The following PRAMEF27 variants were observed in gnomAD, a reference collection of about 807,000 sequenced individuals.
PRAMEF27 encodes PRAME family member 27.
Under a neutral mutation model 21.0 loss-of-function variants are expected in PRAMEF27, and 5 were observed. The observed-to-expected ratio is 0.24, with a 90% CI of 0.12 to 0.50. The LOEUF is 0.50. Ranked by LOEUF, PRAMEF27 falls within the 20% of genes least tolerant of loss-of-function variation. The pLI, the probability that PRAMEF27 is intolerant of heterozygous loss-of-function variation, is 0.98. For missense variants in PRAMEF27, 138 were observed against 541.4 expected, an observed-to-expected ratio of 0.25 and a Z score of 7.39; for synonymous variants, 61 against 211.2, an observed-to-expected ratio of 0.29 and a Z score of 6.17.
intron 1 of PRAMEF27, chr1:13,055,590 T>C (rs1373854937): frequency 5.4e-5 from 8 of 149,402 alleles, no homozygotes; most frequent in African/African-American, 2.0e-4. Context: ...GAAGAGGATG[T>C]GATTGGTTTA....
At position 13,049,927 on chromosome 1, in the gene PRAMEF27, G is replaced by T. The variant is rs1335578060; in HGVS notation, c.1318C>A (p.Leu440Met). The T allele has an allele frequency of 7.0e-7, 1 of 1,419,516 alleles. No individual in the cohort carries two copies. The highest frequency in any genetic ancestry group is 9.2e-7 in the Non-Finnish European group (1 of 1,081,784). 87.9% of individuals were successfully genotyped at this position (1,419,516 alleles called of 1,614,324 possible). A position where few individuals can be genotyped will look rare whatever the true frequency, so the allele number is the denominator to read the frequency against. ...CTTAAGTCCCTCACTCTGTTCATCA[G>T]CTCAGCCCTAATTTGAGCAAATCTG... is the stretch of plus-strand genomic sequence containing the variant. ...WNRFAQIRAE[L>M]MNRVRDLRHP... The change falls in exon 4 of 4, where the codon CTG (leucine) becomes ATG (methionine). Residue 440 changes from leucine (L) to methionine (M), a missense_variant. Coordinates refer to ENST00000436041, the MANE Select transcript of PRAMEF27 (RefSeq NM_001300891.2).
rs1424394228 is a variant in PRAMEF27, at chr1:13,053,609, C to G, written c.51G>C (p.Arg17=). The G allele has an allele frequency of 6.3e-7, 1 of 1,595,892 alleles. No individual in the cohort carries two copies. The highest frequency in any genetic ancestry group is 8.5e-7 in the Non-Finnish European group (1 of 1,178,944). The change falls in exon 2 of 4, where the codon CGG becomes CGC. Residue 17 remains arginine, a synonymous_variant. Coordinates refer to ENST00000436041, the MANE Select transcript of PRAMEF27 (RefSeq NM_001300891.2). ...CCAAGGCTTGGTCCCTCAGCAGGCT[C>G]CGCCCCGCAAGCTCCAGGAGTCTGG... ...TPPRLLELAG[R]SLLRDQALAM...
At chr1:13,055,630 A>ATTATGT (rs1642238975) in intron 1 of PRAMEF27, 1 of 151,028 alleles carries the variant, frequency 6.6e-6, no homozygotes, top group Non-Finnish European at 1.5e-5. Context: ...TTTTTGATTG[A>ATTATGT]TTTTGTTTTT....
Position 13,050,519 on chromosome 1 carries a change from G to C in PRAMEF27, c.876-150C>G, listed in dbSNP as rs1211824065. The C allele has an allele frequency of 3.9e-6, 5 of 1,271,828 alleles. No individual in the cohort carries two copies. The South Asian group carries it at 6.0e-5, about 15-fold the overall frequency. The allele number at this position is 1,271,828 out of a possible 1,614,324, so 78.8% of individuals were successfully genotyped here. ...TGATGGTCAACACTTAGAATGATGT[G>C]TGATGAAGAGCTTTGCCACCGAGGT... On this transcript the variant is annotated intron_variant, in intron 3 of 3. Transcript: ENST00000436041.
rs1642183049 is a variant in PRAMEF27, at chr1:13,049,823, A to G, written c.1422T>C (p.Asp474=). 4.3e-6 allele frequency: 6 copies of G among 1,403,006 alleles called. 1 individual carries two copies. The highest frequency in any genetic ancestry group is 1.4e-5 in the South Asian group (1 of 71,744). The allele number at this position is 1,403,006 out of a possible 1,614,324, so 86.9% of individuals were successfully genotyped here. A position where few individuals can be genotyped will look rare whatever the true frequency, so the allele number is the denominator to read the frequency against. ...AGGCAGGCATTCAACAGCAGTATTGATCTGCCTCCAGGTCATAAAATGACC... is the reference window on the plus strand; with the variant it reads ...AGGCAGGCATTCAACAGCAGTATTGGTCTGCCTCCAGGTCATAAAATGACC... ...GNRSFYDLEA[D]QYCC The change falls in exon 4 of 4, where the codon GAT becomes GAC. Residue 474 remains aspartate, a synonymous_variant. Coordinates refer to ENST00000436041, the MANE Select transcript of PRAMEF27 (RefSeq NM_001300891.2).
chr1:13,055,625 G>T (rs1366486615), intron 1 of PRAMEF27: 1 of 151,184 alleles, frequency 6.6e-6, no homozygotes, highest in Non-Finnish European at 1.5e-5. Flanking sequence ...GATCCTTTTT[G>T]ATTGATTTTG....
chr1:13,051,319 CA>C (rs1642201662), intron 3 of PRAMEF27: 1 of 107,888 alleles, frequency 9.3e-6, no homozygotes, highest in Non-Finnish European at 1.7e-5. Flanking sequence ...CCCTACTTTA[CA>C]TCATCTGCTT....
chr1:13,051,261 CAT>C (rs1642200860), intron 3 of PRAMEF27: 1 of 141,800 alleles, frequency 7.1e-6, no homozygotes, highest in Non-Finnish European at 1.5e-5. Flanking sequence ...GATTTTCTGA[CAT>C]GTGCAGGTTT....
intron 1 of PRAMEF27, 166 bp downstream of exon 1, chr1:13,056,248 A>G (rs1331080736): frequency 1.7e-5 from 2 of 118,500 alleles, no homozygotes; most frequent in Non-Finnish European, 3.1e-5. Context: ...TGAAATAAAG[A>G]CAGAACTGCA....
chr1:13,049,951 T>G lies in PRAMEF27; in HGVS notation c.1294A>C (p.Arg432=). The change falls in exon 4 of 4, where the codon AGA becomes CGA. Residue 432 remains arginine, a synonymous_variant. Transcript: ENST00000436041. ...AGCTCAGCCCTAATTTGAGCAAATC[T>G]GTTCCAGCAGAGAGTACCATCAGCA... ...YGADGTLCWN[R]FAQIRAELMN... The G allele has an allele frequency of 7.0e-7, 1 of 1,419,904 alleles. No homozygotes were observed. Among genetic ancestry groups the G allele is most frequent in the Non-Finnish European group, 9.2e-7 (1 of 1,082,166 alleles). The allele number at this position is 1,419,904 out of a possible 1,614,324, so 88.0% of individuals were successfully genotyped here.
rs1642225528 is a variant in PRAMEF27 at position 13,053,515 on chromosome 1, T to G, written c.145A>C (p.Arg49=). The G allele has an allele frequency of 6.1e-6, 9 of 1,478,256 alleles. 3 individuals carry two copies. In the Admixed American group the frequency reaches 1.3e-4, roughly 22 times the overall value. The allele number at this position is 1,478,256 out of a possible 1,614,324, so 91.6% of individuals were successfully genotyped here. ...PPLFMEAFSR[R]CCEALKLMVQ... is the part of the protein sequence containing the mutation. The stretch of plus-strand genomic sequence containing the variant: ...ATCAGCTTCAGGGCCTCACAGCATC[T>G]CCTGCTGAAGGCCTCCATGAACAGT... Residue 49 remains arginine, a synonymous_variant, in exon 2 of 4, where the codon AGA becomes CGA. Coordinates refer to ENST00000436041, the MANE Select transcript of PRAMEF27 (RefSeq NM_001300891.2).
rs1400957493 is a variant in PRAMEF27 at position 13,053,528 on chromosome 1, C to G, written c.132G>C (p.Glu44Asp). The change falls in exon 2 of 4, where the codon GAG (glutamate) becomes GAC (aspartate). Residue 44 changes from glutamate to aspartate, a missense_variant. Glu to Asp is a conservative substitution (Grantham distance 45, BLOSUM62 2). Transcript: ENST00000436041. ...PTELFPPLFM[E>D]AFSRRCCEAL... is the part of the protein sequence containing the mutation. ...CCTCACAGCATCTCCTGCTGAAGGC[C>G]TCCATGAACAGTGGGGGGAAAAGTT... The G allele has an allele frequency of 1.0e-5, 15 of 1,501,018 alleles. 3 individuals carry two copies. The highest frequency in any genetic ancestry group is 1.3e-5 in the Non-Finnish European group (15 of 1,126,848). 93.0% of individuals were successfully genotyped at this position (1,501,018 alleles called of 1,614,324 possible).
At position 13,049,871 on chromosome 1, in the gene PRAMEF27, A is replaced by C. The variant is rs71225488; in HGVS notation, c.1374T>G (p.Asp458Glu). 7.1e-7 allele frequency: 1 copy of C among 1,416,080 alleles called. No individual in the cohort carries two copies. The highest frequency in any genetic ancestry group is 9.3e-7 in the Non-Finnish European group (1 of 1,080,112). 87.7% of individuals were successfully genotyped at this position (1,416,080 alleles called of 1,614,324 possible). Residue 458 changes from aspartate to glutamate, a missense_variant, in exon 4 of 4, where the codon GAT (aspartate) becomes GAG (glutamate). Physicochemically the swap from Asp to Glu is conservative, Grantham distance 45. Coordinates refer to ENST00000436041, the MANE Select transcript of PRAMEF27 (RefSeq NM_001300891.2). ...RHPKRIFFCI[D>E]NCPDCGNRSF... ...ACCTGTTGCCACAGTCAGGGCAGTT[A>C]TCAATACAGAAAAAGATCCTCTTGG...
At chr1:13,053,861 C>G in intron 1 of PRAMEF27, 186 bp from the exon 2 acceptor site, 2 of 867,508 alleles carry the variant, frequency 2.3e-6, no homozygotes, top group Non-Finnish European at 3.2e-6. Context: ...GCATGAGCGT[C>G]TCCGAAGCAG....
At chr1:13,050,810 AG>A in intron 3 of PRAMEF27, 1 of 139,712 alleles carries the variant, frequency 7.2e-6, no homozygotes, top group Non-Finnish European at 1.5e-5. Context: ...ACTACACTCC[AG>A]CCTGGGTGAC....
In PRAMEF27 at chr1:13,052,070, A is replaced by C. The variant is rs1250272345; in HGVS notation, c.875+48T>G. ...GTAGATGCCCACTAGCGTTTAGTGAAACAGGCTCTGCTGTGGTCTGCAGAG... is the reference window on the plus strand; with the variant it reads ...GTAGATGCCCACTAGCGTTTAGTGACACAGGCTCTGCTGTGGTCTGCAGAG... On this transcript the variant is annotated intron_variant, in intron 3 of 3. Transcript: ENST00000436041. 4.1e-6 allele frequency: 6 copies of C among 1,461,210 alleles called. 2 individuals are homozygous for C. Among genetic ancestry groups the C allele is most frequent in the Non-Finnish European group, 9.1e-7 (1 of 1,103,516 alleles). The allele number at this position is 1,461,210 out of a possible 1,614,324, so 90.5% of individuals were successfully genotyped here. A position where few individuals can be genotyped will look rare whatever the true frequency, so the allele number is the denominator to read the frequency against.
Position 13,053,848 on chromosome 1 carries a change from T to A in PRAMEF27, c.-16-173A>T, listed in dbSNP as rs1348740673. 42 of 954,704 alleles carry A rather than the reference T, an allele frequency of 4.4e-5. 7 individuals are homozygous for A. Among genetic ancestry groups the A allele is most frequent in the Middle Eastern group, 7.2e-4 (2 of 2,786 alleles). 59.1% of individuals were successfully genotyped at this position (954,704 alleles called of 1,614,324 possible). A position where few individuals can be genotyped will look rare whatever the true frequency, so the allele number is the denominator to read the frequency against. On this transcript the variant is annotated intron_variant, in intron 1 of 3. Transcript: ENST00000436041. ...AAGCCAGCATTGTGCCTCTGCTGCA[T>A]CAGCATGAGCGTCTCCGAAGCAGTG...
rs1642225417 is a variant in PRAMEF27, at chr1:13,053,500, G to T, written c.160C>A (p.Leu54Met). ...GGCCAGGCCTGCACCATCAGCTTCA[G>T]GGCCTCACAGCATCTCCTGCTGAAG... The part of the protein sequence containing the change: ...EAFSRRCCEA[L>M]KLMVQAWPFR... The change falls in exon 2 of 4, where the codon CTG (leucine) becomes ATG (methionine). Residue 54 changes from leucine to methionine, a missense_variant. Physicochemically the swap from Leu to Met is conservative, Grantham distance 15 (BLOSUM62 2). Coordinates refer to ENST00000436041, the MANE Select transcript of PRAMEF27 (RefSeq NM_001300891.2). The T allele has an allele frequency of 6.8e-7, 1 of 1,474,636 alleles. No homozygotes were observed. The highest frequency in any genetic ancestry group is 2.5e-5 in the East Asian group (1 of 39,518). The allele number at this position is 1,474,636 out of a possible 1,614,324, so 91.3% of individuals were successfully genotyped here. A position where few individuals can be genotyped will look rare whatever the true frequency, so the allele number is the denominator to read the frequency against.
chr1:13,055,636 T>C (rs1219492220), intron 1 of PRAMEF27: 5 of 151,256 alleles, frequency 3.3e-5, no homozygotes, highest in African/African-American at 1.2e-4. Flanking sequence ...ATTGATTTTG[T>C]TTTTGTTTTT....
Sources: gnomAD v4.1 joint callset for allele counts on GRCh38, gnomAD v4.1.1 for gene constraint, MANE v1.5 for transcripts, NCBI Gene and HGNC (gene_info 2026-07-23, HGNC 2026-07-21) for gene names.